The following TMPRSS15 variants were observed in gnomAD, a reference collection of about 807,000 sequenced individuals.
TMPRSS15 encodes the protein enteropeptidase.
Under a neutral mutation model 125.3 loss-of-function variants are expected in TMPRSS15, and 128 were observed. The ratio of observed to expected loss-of-function variants is 1.02; its 90% confidence interval spans 0.89 to 1.18. The LOEUF (loss-of-function observed/expected upper bound fraction) is 1.18, where lower values mean the gene tolerates loss of function less well. Among genes scored for constraint, TMPRSS15 ranks in the 50% most tolerant of loss-of-function variants. The pLI is 0.00. For missense variants in TMPRSS15, 1,283 were observed against 1,212.7 expected, an observed-to-expected ratio of 1.06 and a Z score of -0.86; for synonymous variants, 446 against 423.2, an observed-to-expected ratio of 1.05 and a Z score of -0.66.
intron 13 of TMPRSS15, among the ~76,000 whole-genome samples, chr21:18,335,967 C>G (rs1175524166): frequency 6.9e-6 from 1 of 144,530 alleles, no homozygotes; most frequent in Non-Finnish European, 1.5e-5. Context: ...GGGAGCTGTT[C>G]TCTCAAACAC....
chr21:18,302,917 T>C (rs2146916140), intron 18 of TMPRSS15, among the ~76,000 whole-genome samples: 1 of 152,226 alleles, frequency 6.6e-6, no homozygotes, highest in East Asian at 1.9e-4. Flanking sequence ...CTTTTGTTTG[T>C]TTGTTTGTTT....
At chr21:18,465,534 C>T (rs1978642412) in intron 1 of TMPRSS15, among the ~76,000 whole-genome samples, 1 of 152,144 alleles carries the variant, frequency 6.6e-6, no homozygotes, top group Non-Finnish European at 1.5e-5. Flanking sequence ...CCTAAAATCT[C>T]CTTAAGCTGA....
chr21:18,385,288 G>A (rs532903686), intron 3 of TMPRSS15, among the ~76,000 whole-genome samples: 12 of 152,184 alleles, frequency 7.9e-5, no homozygotes, highest in East Asian at 1.9e-4. Context: ...GATACATTTC[G>A]TCACAGACAC....
chr21:18,423,549 C>T (rs1488573834), intron 1 of TMPRSS15, among the ~76,000 whole-genome samples: 2 of 151,460 alleles, frequency 1.3e-5, no homozygotes, highest in Non-Finnish European at 2.9e-5. Flanking sequence ...GCTGGGACTA[C>T]AGGCGCCCGC....
At chr21:18,457,365 C>G (rs1448013152) in intron 1 of TMPRSS15, among the ~76,000 whole-genome samples, 1 of 151,914 alleles carries the variant, frequency 6.6e-6, no homozygotes, top group Non-Finnish European at 1.5e-5. Context: ...TCTCACCTAC[C>G]CCAACTTCCT....
chr21:18,385,549 G>T (rs1207304234), intron 3 of TMPRSS15, among the ~76,000 whole-genome samples: 1 of 152,124 alleles, frequency 6.6e-6, no homozygotes, highest in Non-Finnish European at 1.5e-5. Flanking sequence ...ACCCTTCGTT[G>T]TTGAACATTA....
At chr21:18,283,880 T>C (rs1200032952) in intron 21 of TMPRSS15, among the ~76,000 whole-genome samples, 1 of 152,182 alleles carries the variant, frequency 6.6e-6, no homozygotes, top group East Asian at 1.9e-4. Context: ...TGAGAGAGCT[T>C]GTAGGTAACA....
intron 18 of TMPRSS15, among the ~76,000 whole-genome samples, chr21:18,301,345 G>T (rs1460387251): frequency 6.6e-6 from 1 of 152,074 alleles, no homozygotes; most frequent in African/African-American, 2.4e-5. Flanking sequence ...AGCAGCAGAA[G>T]TTTACAACAA....
intron 21 of TMPRSS15, among the ~76,000 whole-genome samples, chr21:18,291,172 T>C (rs1239572055): frequency 6.6e-6 from 1 of 152,218 alleles, no homozygotes; most frequent in Admixed American, 6.5e-5. Flanking sequence ...CCTTATGAGC[T>C]TCCTACAGAT....
chr21:18,326,430 A>T lies in TMPRSS15; in HGVS notation c.1921+2T>A. On this transcript the variant is annotated splice_donor_variant, in intron 16 of 24. Coordinates refer to ENST00000284885, the MANE Select transcript of TMPRSS15 (RefSeq NM_002772.3). LOFTEE classifies it high-confidence loss of function. Reference sequence around the variant, plus strand: ...TGCAATGTGTGATTTATGGGCTCCTACCTGGAATCCCCAAGTGATAGCCAG... The same window carrying T: ...TGCAATGTGTGATTTATGGGCTCCTTCCTGGAATCCCCAAGTGATAGCCAG... 1 of 1,614,142 alleles carries T rather than the reference A, an allele frequency of 6.2e-7. No individual in the cohort carries two copies. The highest frequency in any genetic ancestry group is 8.5e-7 in the Non-Finnish European group (1 of 1,179,986).
chr21:18,271,462 C>T (rs1003953862), intron 24 of TMPRSS15, among the ~76,000 whole-genome samples: 2 of 152,146 alleles, frequency 1.3e-5, no homozygotes, highest in South Asian at 2.1e-4. Context: ...AAGGATCCTG[C>T]GGCAGACTTG....
intron 6 of TMPRSS15, 84 bp from the exon 7 acceptor site, chr21:18,365,332 G>A: frequency 2.9e-6 from 3 of 1,037,722 alleles, no homozygotes; most frequent in Non-Finnish European, 4.5e-6. Context: ...AATATTCATG[G>A]CAAAACCTGT....
chr21:18,479,131 A>G (rs1978932769), intron 1 of TMPRSS15, among the ~76,000 whole-genome samples: 1 of 151,902 alleles, frequency 6.6e-6, no homozygotes, highest in African/African-American at 2.4e-5. Context: ...TGATTTTTGG[A>G]TTTGGAATGC....
At chr21:18,275,467 T>A in intron 23 of TMPRSS15, 131 bp from the exon 24 acceptor site, 1 of 1,110,836 alleles carries the variant, frequency 9.0e-7, no homozygotes, top group South Asian at 1.3e-5. Flanking sequence ...ATAATGGAAC[T>A]AAATACTAAA....
At chr21:18,303,710 T>C (rs2074999221) in intron 18 of TMPRSS15, among the ~76,000 whole-genome samples, 1 of 152,178 alleles carries the variant, frequency 6.6e-6, no homozygotes, top group African/African-American at 2.4e-5. Flanking sequence ...TAAATACCTA[T>C]ACATTACAGA....
At chr21:18,295,309 A>G (rs2074891940) in intron 19 of TMPRSS15, among the ~76,000 whole-genome samples, 1 of 152,234 alleles carries the variant, frequency 6.6e-6, no homozygotes, top group Non-Finnish European at 1.5e-5. Context: ...ATTTTAAACA[A>G]AAACTAAGCA....
chr21:18,363,366 A>G (rs953129514), intron 7 of TMPRSS15, among the ~76,000 whole-genome samples: 1 of 152,150 alleles, frequency 6.6e-6, no homozygotes, highest in Non-Finnish European at 1.5e-5. Flanking sequence ...AACATTTTTA[A>G]TTAATATAGG....
intron 1 of TMPRSS15, among the ~76,000 whole-genome samples, chr21:18,441,924 C>T (rs2076243079): frequency 6.6e-6 from 1 of 152,060 alleles, no homozygotes; most frequent in African/African-American, 2.4e-5. Context: ...CTCCTGACCT[C>T]AAGTGATTTG....
chr21:18,483,498 C>A (rs1485329122), intron 1 of TMPRSS15, among the ~76,000 whole-genome samples: 1 of 151,788 alleles, frequency 6.6e-6, no homozygotes, highest in African/African-American at 2.4e-5. Context: ...GCTGTAATTT[C>A]TTCCTTTGTA....
Sources: gnomAD v4.1 joint callset for allele counts (sites outside exome capture counted in the v4.1 genomes callset) on GRCh38, gnomAD v4.1.1 for gene constraint, MANE v1.5 for transcripts, NCBI Gene and HGNC (gene_info 2026-07-23, HGNC 2026-07-21) for gene names.